Variants in CAV1 observed in about 807,000 individuals in gnomAD.
CAV1 encodes the protein caveolin-1.
CAV1 carries 10 observed loss-of-function variants against 16.5 expected under a neutral mutation model. That is an observed-to-expected ratio of 0.61 (90% CI 0.37 to 1.03). The LOEUF is 1.03. Ranked by LOEUF, CAV1 falls within the 50% of genes least tolerant of loss-of-function variation. The pLI is 0.01. For synonymous variants in CAV1, 76 were observed against 85.1 expected (o/e 0.89, Z 0.59); for missense variants, 212 against 232.8 (o/e 0.91, Z 0.58).
intron 2 of CAV1, among the ~76,000 whole-genome samples, chr7:116,555,242 A>G (rs1349759689): frequency 1.3e-5 from 2 of 151,866 alleles, no homozygotes; most frequent in Non-Finnish European, 2.9e-5. Flanking sequence ...CAGGCGTTCA[A>G]CATCAGCCTA....
chr7:116,525,319 G>A (rs1265960456), intron 1 of CAV1: 1 of 1,549,104 alleles, frequency 6.5e-7, no homozygotes, highest in Non-Finnish European at 8.7e-7. Flanking sequence ...GAGCCCCTGA[G>A]CTAGGAGGAC....
rs1408466406 is a variant in CAV1, at chr7:116,559,594, A to T, written c.*307A>T. 9.6e-6 allele frequency: 5 copies of T among 518,926 alleles called. No homozygotes were observed. The highest frequency in any genetic ancestry group is 1.7e-5 in the Non-Finnish European group (5 of 297,952). The allele number at this position is 518,926 out of a possible 1,614,324, so 32.1% of individuals were successfully genotyped here. On this transcript the variant is annotated 3_prime_UTR_variant, in exon 3 of 3. Transcript: ENST00000341049. ...ATATTGTTGAAAGGTAATTTGAGAG[A>T]AATATGAAGAACTGAGGAGGAAAAA...
intron 2 of CAV1, among the ~76,000 whole-genome samples, chr7:116,548,980 T>C (rs888158833): frequency 4.6e-5 from 7 of 152,180 alleles, no homozygotes; most frequent in Middle Eastern, 3.2e-3. Context: ...GAGATAACGA[T>C]GTCCCTTGTT....
At chr7:116,535,304 C>T (rs188819182) in intron 2 of CAV1, among the ~76,000 whole-genome samples, 2 of 152,310 alleles carry the variant, frequency 1.3e-5, no homozygotes, top group East Asian at 3.9e-4. Flanking sequence ...GCATGTCAGG[C>T]CTTTCCCTGA....
chr7:116,555,015 A>G (rs1210456477), intron 2 of CAV1, among the ~76,000 whole-genome samples: 1 of 152,196 alleles, frequency 6.6e-6, no homozygotes, highest in Non-Finnish European at 1.5e-5. Flanking sequence ...GAATAATGAC[A>G]TGCACTTCAG....
chr7:116,539,972 T>G (rs1793904005), intron 2 of CAV1, among the ~76,000 whole-genome samples: 7 of 152,112 alleles, frequency 4.6e-5, no homozygotes, highest in Admixed American at 4.6e-4. Context: ...TATGGCAAGA[T>G]TGAGAGGAAT....
intron 2 of CAV1, among the ~76,000 whole-genome samples, chr7:116,550,926 G>T (rs928890203): frequency 2.6e-5 from 4 of 152,164 alleles, no homozygotes; most frequent in African/African-American, 9.7e-5. Flanking sequence ...TCAAAAAGTA[G>T]CTCCACTCAT....
At chr7:116,530,658 A>T (rs1793670548) in intron 2 of CAV1, among the ~76,000 whole-genome samples, 1 of 152,210 alleles carries the variant, frequency 6.6e-6, no homozygotes, top group African/African-American at 2.4e-5. Flanking sequence ...CGAGCCAGGC[A>T]TGGAGACAAG....
intron 2 of CAV1, among the ~76,000 whole-genome samples, chr7:116,544,992 A>G (rs1794012073): frequency 6.6e-6 from 1 of 152,226 alleles, no homozygotes; most frequent in Non-Finnish European, 1.5e-5. Context: ...TAAATATTGT[A>G]TAAATGAATG....
intron 2 of CAV1, among the ~76,000 whole-genome samples, chr7:116,537,012 A>G (rs1411071234): frequency 1.3e-5 from 2 of 149,062 alleles, no homozygotes; most frequent in African/African-American, 2.4e-5. Context: ...TCCGTCTCAA[A>G]AAAAAAAAAA....
Position 116,560,175 on chromosome 7 carries a change from G to T in CAV1, c.*888G>T, listed in dbSNP as rs527278612. On this transcript the variant is annotated 3_prime_UTR_variant, in exon 3 of 3. Transcript: ENST00000341049. ...CTAGCCCAATGAAATGAATTAAAGT[G>T]GACCAATAGGGCTGAGCTCTCTGTG... 4.5e-6 allele frequency: 1 copy of T among 223,682 alleles called. No homozygotes were observed. Among genetic ancestry groups the T allele is most frequent in the Admixed American group, 5.8e-5 (1 of 17,366 alleles). 13.9% of individuals were successfully genotyped at this position (223,682 alleles called of 1,614,324 possible).
At chr7:116,528,298 C>T (rs1265105386) in intron 2 of CAV1, among the ~76,000 whole-genome samples, 1 of 152,034 alleles carries the variant, frequency 6.6e-6, no homozygotes, top group African/African-American at 2.4e-5. Context: ...GAAAGAAAGG[C>T]CCCACTGGGA....
chr7:116,525,659 C>T, intron 1 of CAV1: 1 of 1,090,190 alleles, frequency 9.2e-7, no homozygotes, highest in Admixed American at 4.8e-5. Flanking sequence ...CCTCCCCTCC[C>T]CAAACTGCCA....
At chr7:116,533,557 C>T (rs1793730335) in intron 2 of CAV1, among the ~76,000 whole-genome samples, 1 of 152,140 alleles carries the variant, frequency 6.6e-6, no homozygotes, top group Non-Finnish European at 1.5e-5. Context: ...TCCTCAACCT[C>T]CTGGGCTCAA....
intron 2 of CAV1, among the ~76,000 whole-genome samples, chr7:116,541,838 C>T (rs979314878): frequency 3.3e-5 from 5 of 151,748 alleles, no homozygotes; most frequent in African/African-American, 1.2e-4. Flanking sequence ...AATGTGTCAC[C>T]AGAGGTTATT....
chr7:116,556,774 C>T (rs971446138), intron 2 of CAV1, among the ~76,000 whole-genome samples: 2 of 95,290 alleles, frequency 2.1e-5, no homozygotes, highest in African/African-American at 7.4e-5. Flanking sequence ...TGGATCATTT[C>T]CCATTATACA....
At chr7:116,543,237 G>A (rs1255295267) in intron 2 of CAV1, among the ~76,000 whole-genome samples, 3 of 152,194 alleles carry the variant, frequency 2.0e-5, no homozygotes, top group Non-Finnish European at 2.9e-5. Context: ...TCATACAAGA[G>A]TTGAAGCCTG....
chr7:116,531,870 G>A (rs1793692427), intron 2 of CAV1, among the ~76,000 whole-genome samples: 1 of 152,170 alleles, frequency 6.6e-6, no homozygotes, highest in South Asian at 2.1e-4. Flanking sequence ...TCCCCAGCTT[G>A]TAAAATTGCA....
chr7:116,552,143 G>A (rs764617884), intron 2 of CAV1, among the ~76,000 whole-genome samples: 3 of 152,044 alleles, frequency 2.0e-5, no homozygotes, highest in African/African-American at 4.8e-5. Context: ...ATTACACAAG[G>A]GAATGAACAC....
Sources: allele counts gnomAD v4.1 joint callset (sites outside exome capture counted in the v4.1 genomes callset), GRCh38; gene constraint gnomAD v4.1.1; transcripts MANE v1.5; gene names NCBI Gene and HGNC (gene_info 2026-07-23, HGNC 2026-07-21).